The following PDE6A variants were observed in gnomAD, a reference collection of about 807,000 sequenced individuals.
The protein encoded by PDE6A is phosphodiesterase 6A.
A neutral mutation model predicts 106.3 loss-of-function variants in PDE6A; 84 were observed. The ratio of observed to expected loss-of-function variants is 0.79; its 90% CI spans 0.66 to 0.95. PDE6A has a LOEUF of 0.95. Among genes scored for constraint, PDE6A ranks in the 40% least tolerant of loss-of-function variants. The probability of loss-of-function intolerance (pLI) is 0.00; values close to 1 mark genes in which losing one functional copy is unlikely to be tolerated. For missense variants in PDE6A, 1,052 were observed against 1,084.9 expected (o/e 0.97, Z 0.43); for synonymous variants, 394 against 386.6 (o/e 1.02, Z -0.23).
At position 149,866,255 on chromosome 5, in the gene PDE6A, T is replaced by C; in HGVS notation, c.2275-2A>G. On this transcript the variant is annotated splice_acceptor_variant, in intron 19 of 21. Coordinates refer to ENST00000255266, the MANE Select transcript of PDE6A (RefSeq NM_000440.3). LOFTEE classifies it high-confidence loss of function. ...TGCTTTGTTTCTGTCCATCATGGGC[T>C]GTCATGGGGGAGAAAGAGTTAATTG... 1 of 1,611,644 alleles carries C rather than the reference T, an allele frequency of 6.2e-7. No individual in the cohort carries two copies. The highest frequency in any genetic ancestry group is 1.3e-5 in the African/African-American group (1 of 75,004).
chr5:149,863,024 A>T lies in PDE6A; in HGVS notation c.2506+95T>A. 1.4e-6 allele frequency: 2 copies of T among 1,477,924 alleles called. No homozygotes were observed. Among genetic ancestry groups the T allele is most frequent in the Non-Finnish European group, 1.9e-6 (2 of 1,056,620 alleles). 91.6% of individuals were successfully genotyped at this position (1,477,924 alleles called of 1,614,324 possible). A position where few individuals can be genotyped will look rare whatever the true frequency, so the allele number is the denominator to read the frequency against. Reference sequence around the variant, plus strand: ...CAGTATTGGCCATCAGGAGGCCTGAATGAGACTCCGTGTAAGAGTCTCTGA... The same window carrying T: ...CAGTATTGGCCATCAGGAGGCCTGATTGAGACTCCGTGTAAGAGTCTCTGA... On this transcript the variant is annotated intron_variant, in intron 21 of 21. Transcript: ENST00000255266. This position sits in a 1 kb window ranked among gnomAD's most constrained non-coding sequence, Gnocchi z 4.7.
In PDE6A at chr5:149,931,011, T is replaced by C. The variant is rs753311541; in HGVS notation, c.858+17A>G. 4 of 1,613,450 alleles carry C rather than the reference T, an allele frequency of 2.5e-6. No homozygotes were observed. The African/African-American group carries it at 4.0e-5, about 16-fold the overall frequency. On this transcript the variant is annotated intron_variant, in intron 4 of 21. Coordinates refer to ENST00000255266, the MANE Select transcript of PDE6A (RefSeq NM_000440.3). ...TTAATCTTTTCTTGGAAATGTCTGTTGCTGAAGTTTTCTCACCTTCTGCTT... is the reference window on the plus strand; with the variant it reads ...TTAATCTTTTCTTGGAAATGTCTGTCGCTGAAGTTTTCTCACCTTCTGCTT...
At chr5:149,875,757 A>G (rs1760717059) in intron 17 of PDE6A, among the ~76,000 whole-genome samples, 1 of 152,172 alleles carries the variant, frequency 6.6e-6, no homozygotes, top group African/African-American at 2.4e-5. Context: ...GCAAAGTGCT[A>G]GGATTACACA....
At chr5:149,939,390 CA>C (rs141819447) in intron 1 of PDE6A, among the ~76,000 whole-genome samples, 4,938 of 152,276 alleles carry the variant, frequency 0.032, 242 homozygotes, top group African/African-American at 0.11. Context: ...GAGAAGCTCT[CA>C]GCATTTATGT....
chr5:149,927,394 T>G (rs1753893858), intron 4 of PDE6A, among the ~76,000 whole-genome samples: 1 of 152,174 alleles, frequency 6.6e-6, no homozygotes, highest in Non-Finnish European at 1.5e-5. Context: ...TTTTTAAAAT[T>G]TCTTTCTTCA....
At chr5:149,903,727 T>C (rs757179959) in intron 7 of PDE6A, 32 bp from the exon 8 acceptor site, 1 of 1,583,096 alleles carries the variant, frequency 6.3e-7, no homozygotes, top group Non-Finnish European at 8.7e-7. Context: ...AATGAAGGTG[T>C]GATTAGGCCT....
intron 17 of PDE6A, 79 bp downstream of exon 17, chr5:149,883,350 G>A: frequency 1.1e-6 from 1 of 930,796 alleles, no homozygotes; most frequent in South Asian, 1.3e-5. Flanking sequence ...GCTTGTTGAG[G>A]GCAGCAAGAG....
chr5:149,911,892 A>T (rs183678), intron 6 of PDE6A, among the ~76,000 whole-genome samples: 1 of 148,742 alleles, frequency 6.7e-6, no homozygotes, highest in Non-Finnish European at 1.5e-5. Context: ...GGTGGCTCAC[A>T]CCTGTAATCC....
In PDE6A at chr5:149,863,292, G is replaced by T; in HGVS notation, c.2359-26C>A. On this transcript the variant is annotated intron_variant, in intron 20 of 21. Transcript: ENST00000255266. This position sits in a 1 kb window ranked among gnomAD's most constrained non-coding sequence, Gnocchi z 4.7. ...CTAGAAGAGAGAGTATGTGCCTCTG[G>T]TGCAAGGGCCAGGCCACAGGGTCTG... The T allele has an allele frequency of 6.2e-6, 10 of 1,613,592 alleles. No homozygotes were observed. Among genetic ancestry groups the T allele is most frequent in the Non-Finnish European group, 7.6e-6 (9 of 1,179,628 alleles).
chr5:149,858,189 T>C lies in PDE6A; in HGVS notation c.*2706A>G, dbSNP rs1248366827. 6.6e-6 allele frequency: 1 copy of C among 152,232 alleles called. No homozygotes were observed. The highest frequency in any genetic ancestry group is 2.1e-4 in the South Asian group (1 of 4,836). 9.4% of individuals were successfully genotyped at this position (152,232 alleles called of 1,614,324 possible). A position where few individuals can be genotyped will look rare whatever the true frequency, so the allele number is the denominator to read the frequency against. On this transcript the variant is annotated 3_prime_UTR_variant, in exon 22 of 22. Coordinates refer to ENST00000255266, the MANE Select transcript of PDE6A (RefSeq NM_000440.3). ...CTTAATTATGGTAACCATTTCACAATGTATATCAAAACATCACAGTGTATA... is the reference window on the plus strand; with the variant it reads ...CTTAATTATGGTAACCATTTCACAACGTATATCAAAACATCACAGTGTATA...
chr5:149,858,075 A>C lies in PDE6A; in HGVS notation c.*2820T>G, dbSNP rs1760002344. The C allele has an allele frequency of 6.6e-6, 1 of 152,248 alleles. No individual in the cohort carries two copies. The highest frequency in any genetic ancestry group is 2.1e-4 in the South Asian group (1 of 4,832). The allele number at this position is 152,248 out of a possible 1,614,324, so 9.4% of individuals were successfully genotyped here. ...GACTCTGTTTCTGCAAGGTGATGAC[A>C]ATGGAAAAAAGGAAGGAGTACTTTG... On this transcript the variant is annotated 3_prime_UTR_variant, in exon 22 of 22. Coordinates refer to ENST00000255266, the MANE Select transcript of PDE6A (RefSeq NM_000440.3).
chr5:149,889,939 C>T (rs1349035080), intron 13 of PDE6A, among the ~76,000 whole-genome samples: 5 of 145,298 alleles, frequency 3.4e-5, no homozygotes, highest in Non-Finnish European at 7.5e-5. Context: ...CATTTAGAAA[C>T]TTCCCAAAGT....
intron 17 of PDE6A, among the ~76,000 whole-genome samples, chr5:149,878,668 C>T (rs753730324): frequency 3.3e-5 from 5 of 152,134 alleles, no homozygotes; most frequent in South Asian, 2.1e-4. Context: ...TCACTCTGCC[C>T]GACACAGTAT....
chr5:149,886,668 C>T (rs1332718356), intron 13 of PDE6A, among the ~76,000 whole-genome samples: 2 of 152,212 alleles, frequency 1.3e-5, no homozygotes, highest in African/African-American at 4.8e-5. Flanking sequence ...GTAGCCCAAT[C>T]TCCATAATGA....
rs544487877 is a variant in PDE6A, at chr5:149,873,628, G to A, written c.2136-5470C>T. Among the ~76,000 whole-genome samples the A allele has an allele frequency of 6.6e-5, 10 of 152,178 alleles. No individual in the cohort carries two copies. In the South Asian group the frequency reaches 1.9e-3, roughly 28 times the overall value. ...ATTACAGGTGTGAGCCACCACGCCT[G>A]GCCATGAAATATTATTCTGTTGACT... On this transcript the variant is annotated intron_variant, in intron 17 of 21. Transcript: ENST00000255266.
chr5:149,905,543 C>T (rs1753149635), intron 7 of PDE6A, among the ~76,000 whole-genome samples: 1 of 152,224 alleles, frequency 6.6e-6, no homozygotes, highest in Non-Finnish European at 1.5e-5. Context: ...TTTGACTCCT[C>T]TCTTCCCCAT....
intron 2 of PDE6A, 82 bp from the exon 3 acceptor site, chr5:149,934,101 G>T: frequency 1.3e-6 from 1 of 799,518 alleles, no homozygotes; most frequent in Non-Finnish European, 2.2e-6. Flanking sequence ...GCAAATATCT[G>T]AATATTTTCA....
At chr5:149,899,302 G>A (rs575591779) in intron 9 of PDE6A, 73 bp downstream of exon 9, 132 of 1,488,024 alleles carry the variant, frequency 8.9e-5, no homozygotes, top group Admixed American at 1.8e-4. Flanking sequence ...ATGTGATAGC[G>A]CAGTGACACC....
chr5:149,898,544 C>G (rs1450181572), intron 9 of PDE6A, 38 bp from the exon 10 acceptor site: 1 of 1,599,598 alleles, frequency 6.3e-7, no homozygotes. Context: ...AGACAGAACA[C>G]CTAAGTTTAA....
Sources: gnomAD v4.1 joint callset for allele counts (sites outside exome capture counted in the v4.1 genomes callset) on GRCh38, gnomAD v4.1.1 for gene constraint, Gnocchi (gnomAD v3.1) non-coding constraint, MANE v1.5 for transcripts, NCBI Gene and HGNC (gene_info 2026-07-23, HGNC 2026-07-21) for gene names.